Variants in RND3 observed in about 807,000 individuals in gnomAD.
RND3 encodes rho-related GTP-binding protein RhoE.
A neutral mutation model predicts 26.5 loss-of-function variants in RND3; 8 were observed. The ratio of observed to expected loss-of-function variants is 0.30; its 90% CI spans 0.18 to 0.54. RND3 has a LOEUF of 0.54. Among genes scored for constraint, RND3 ranks in the 20% least tolerant of loss-of-function variants. The pLI, the probability that RND3 is intolerant of heterozygous loss-of-function variation, is 0.94. For missense variants in RND3, 207 were observed against 302.8 expected (o/e 0.68, Z 2.35); for synonymous variants, 113 against 113.0 (o/e 1.00, Z 0.00).
intron 3 of RND3, among the ~76,000 whole-genome samples, chr2:150,485,672 C>G (rs79699548): frequency 1.3e-5 from 2 of 152,106 alleles, no homozygotes; most frequent in African/African-American, 2.4e-5. Flanking sequence ...CTGGTTAGGG[C>G]GGCGGGTGCC....
intron 4 of RND3, among the ~76,000 whole-genome samples, chr2:150,472,950 A>G (rs1253067902): frequency 6.6e-6 from 1 of 151,958 alleles, no homozygotes; most frequent in Non-Finnish European, 1.5e-5. Flanking sequence ...AAGGAGTAAT[A>G]TACTTTCCAT....
rs1269473495 is a variant in RND3 at position 150,486,111 on chromosome 2, G to T, written c.238+583C>A. Reference sequence around the variant, plus strand: ...GGGCGGCCGGCAGCGCGAAGAGGAGGTTCAGCTGCTGCCCGGCCCCTGCGC... The same window carrying T: ...GGGCGGCCGGCAGCGCGAAGAGGAGTTTCAGCTGCTGCCCGGCCCCTGCGC... On this transcript the variant is annotated intron_variant, in intron 3 of 5. Transcript: ENST00000263895. This position sits in a 1 kb window ranked among gnomAD's most constrained non-coding sequence, Gnocchi z 4.5. 6.6e-6 allele frequency among the ~76,000 whole-genome samples: 1 copy of T among 152,172 alleles called. No individual in the cohort carries two copies. The highest frequency in any genetic ancestry group is 1.9e-4 in the East Asian group (1 of 5,164).
Position 150,469,771 on chromosome 2 carries a change from C to T in RND3, c.*216G>A. The T allele has an allele frequency of 1.9e-6, 1 of 518,328 alleles. No individual in the cohort carries two copies. Among genetic ancestry groups the T allele is most frequent in the Admixed American group, 3.6e-5 (1 of 27,764 alleles). The allele number at this position is 518,328 out of a possible 1,614,324, so 32.1% of individuals were successfully genotyped here. ...TCATTTTTTGGCATATTTTTCAAGTCACACTTAAAAACTCTTCCATGTATT... is the reference window on the plus strand; with the variant it reads ...TCATTTTTTGGCATATTTTTCAAGTTACACTTAAAAACTCTTCCATGTATT... On this transcript the variant is annotated 3_prime_UTR_variant, in exon 6 of 6. Coordinates refer to ENST00000263895, the MANE Select transcript of RND3 (RefSeq NM_005168.5).
At chr2:150,470,790 T>C (rs1686076110) in intron 5 of RND3, among the ~76,000 whole-genome samples, 1 of 152,176 alleles carries the variant, frequency 6.6e-6, no homozygotes, top group South Asian at 2.1e-4. Flanking sequence ...CAGCGCCTCA[T>C]GGTGCACTTC....
chr2:150,475,972 C>A (rs1376657433), intron 3 of RND3, among the ~76,000 whole-genome samples: 1 of 152,116 alleles, frequency 6.6e-6, no homozygotes, highest in Non-Finnish European at 1.5e-5. Flanking sequence ...TTACATGAGG[C>A]CTATAGTTAT....
At chr2:150,485,918 G>A (rs1686350601) in intron 3 of RND3, among the ~76,000 whole-genome samples, 1 of 151,844 alleles carries the variant, frequency 6.6e-6, no homozygotes. Context: ...AAGTAGACTG[G>A]AAGGTCAAAG....
chr2:150,470,327 A>T (rs1049000583), intron 5 of RND3, 89 bp from the exon 6 acceptor site: 1 of 1,362,454 alleles, frequency 7.3e-7, no homozygotes, highest in Non-Finnish European at 1.0e-6. Flanking sequence ...ATAATAACAC[A>T]TTGCAAAACG....
At chr2:150,479,957 A>G (rs562669417) in intron 3 of RND3, among the ~76,000 whole-genome samples, 1 of 152,344 alleles carries the variant, frequency 6.6e-6, no homozygotes, top group African/African-American at 2.4e-5. Flanking sequence ...AAATGGAATA[A>G]AGATTTTCTA....
At chr2:150,485,270 G>C (rs1386028510) in intron 3 of RND3, 3 of 152,312 alleles carry the variant, frequency 2.0e-5, no homozygotes, top group Non-Finnish European at 4.4e-5. Context: ...TCGCTCGTGC[G>C]AGACTTCTCG....
At chr2:150,472,299 C>T (rs929057737) in intron 4 of RND3, among the ~76,000 whole-genome samples, 17 of 152,184 alleles carry the variant, frequency 1.1e-4, no homozygotes, top group African/African-American at 2.4e-4. Context: ...TAAAACAGAA[C>T]ATCCTGCCTT....
intron 4 of RND3, among the ~76,000 whole-genome samples, chr2:150,473,869 T>A (rs1686122964): frequency 6.6e-6 from 1 of 152,210 alleles, no homozygotes; most frequent in Non-Finnish European, 1.5e-5. Flanking sequence ...CCTGCATGTT[T>A]GTCTTTCTCA....
intron 3 of RND3, among the ~76,000 whole-genome samples, chr2:150,475,938 T>G (rs1442581858): frequency 6.6e-6 from 1 of 152,194 alleles, no homozygotes; most frequent in African/African-American, 2.4e-5. Context: ...TTCTATTTCT[T>G]TAAGAATTCC....
At chr2:150,479,767 T>C (rs554000624) in intron 3 of RND3, among the ~76,000 whole-genome samples, 1 of 152,332 alleles carries the variant, frequency 6.6e-6, no homozygotes, top group East Asian at 1.9e-4. Flanking sequence ...AACTTTTGTA[T>C]CTGACTCAGT....
Position 150,486,740 on chromosome 2 carries a change from A to G in RND3, c.192T>C (p.Phe64=). 6.2e-7 allele frequency: 1 copy of G among 1,613,904 alleles called. No homozygotes were observed. Among genetic ancestry groups the G allele is most frequent in the Non-Finnish European group, 8.5e-7 (1 of 1,179,724 alleles). ...ACTCTATTCTTTGTGTGTCGATTTC[A>G]AAACTGGCCGTGTAATTCTCAAACA... is the stretch of plus-strand genomic sequence containing the variant. ...PTVFENYTAS[F]EIDTQRIELS... The change falls in exon 3 of 6, where the codon TTT becomes TTC. Residue 64 remains phenylalanine, a synonymous_variant. Coordinates refer to ENST00000263895, the MANE Select transcript of RND3 (RefSeq NM_005168.5). The surrounding 1 kb of genome is among the most constrained non-coding windows in gnomAD (Gnocchi z 4.5).
rs1573959114 is a variant in RND3, at chr2:150,487,475, ATATAT to A, written c.-38-25_-38-21del. On this transcript the variant is annotated intron_variant, in intron 1 of 5. Transcript: ENST00000263895. The stretch of plus-strand genomic sequence containing the variant: ...TTTTCTCTTAAGAAGAAAAAAAAAA[ATATAT>A]ATATATATATATATTTCTCTCTTTA... 4 of 169,982 alleles carry A rather than the reference ATATAT, an allele frequency of 2.4e-5. No homozygotes were observed. Among genetic ancestry groups the A allele is most frequent in the South Asian group, 1.8e-4 (1 of 5,570 alleles). The allele number at this position is 169,982 out of a possible 1,614,324, so 10.5% of individuals were successfully genotyped here. A position where few individuals can be genotyped will look rare whatever the true frequency, so the allele number is the denominator to read the frequency against.
At chr2:150,478,019 A>C (rs1686195407) in intron 3 of RND3, among the ~76,000 whole-genome samples, 3 of 152,170 alleles carry the variant, frequency 2.0e-5, no homozygotes, top group African/African-American at 4.8e-5. Context: ...TAATTTATTT[A>C]AAATAACAAG....
At chr2:150,482,682 A>C (rs1686294300) in intron 3 of RND3, among the ~76,000 whole-genome samples, 1 of 119,824 alleles carries the variant, frequency 8.3e-6, no homozygotes, top group Non-Finnish European at 1.6e-5. Flanking sequence ...TGACTGGCAA[A>C]ATGCCTTTTG....
chr2:150,471,906 T>A (rs910288236), intron 4 of RND3, 145 bp from the exon 5 acceptor site: 8 of 654,560 alleles, frequency 1.2e-5, no homozygotes, highest in African/African-American at 1.8e-5. Flanking sequence ...AGAAGCAAAC[T>A]TTGCATTTAT....
intron 3 of RND3, among the ~76,000 whole-genome samples, chr2:150,476,712 A>G (rs1573954325): frequency 6.6e-6 from 1 of 152,198 alleles, no homozygotes; most frequent in Non-Finnish European, 1.5e-5. Flanking sequence ...GTATGAAGGT[A>G]TATTAGAATG....
Sources: gnomAD v4.1 joint callset for allele counts (sites outside exome capture counted in the v4.1 genomes callset) on GRCh38, gnomAD v4.1.1 for gene constraint, Gnocchi (gnomAD v3.1) non-coding constraint, MANE v1.5 for transcripts, NCBI Gene and HGNC (gene_info 2026-07-23, HGNC 2026-07-21) for gene names.